SCLT1: variants seen among roughly 807,000 people sequenced by gnomAD.
The protein encoded by SCLT1 is sodium channel-associated protein 1.
SCLT1 carries 78 observed loss-of-function variants against 112.8 expected under a neutral mutation model. The observed-to-expected ratio is 0.69, with a 90% CI of 0.58 to 0.83. The LOEUF is 0.83. Among genes scored for constraint, SCLT1 ranks in the 40% least tolerant of loss-of-function variants. SCLT1 has a pLI of 0.00. For synonymous variants in SCLT1, 257 were observed against 254.7 expected (o/e 1.01, Z -0.09); for missense variants, 747 against 770.4 (o/e 0.97, Z 0.36).
chr4:129,074,689 A>G (rs1751312368), intron 2 of SCLT1, among the ~76,000 whole-genome samples: 1 of 152,168 alleles, frequency 6.6e-6, no homozygotes, highest in Admixed American at 6.6e-5. Context: ...GATATTGTGT[A>G]ATTAATTTCT....
At position 128,999,670 on chromosome 4, in the gene SCLT1, A is replaced by C. The variant is rs1276680310; in HGVS notation, c.549+2T>G. 1 of 1,594,484 alleles carries C rather than the reference A, an allele frequency of 6.3e-7. No individual in the cohort carries two copies. The highest frequency in any genetic ancestry group is 1.8e-5 in the Admixed American group (1 of 57,068). On this transcript the variant is annotated splice_donor_variant, in intron 7 of 20. Coordinates refer to ENST00000281142, the MANE Select transcript of SCLT1 (RefSeq NM_144643.4). LOFTEE classifies it high-confidence loss of function. ...CAAGAAAATGATGAAATCCAAGATT[A>C]CCTTTTGTTTTTGACTTTCAAATAC...
chr4:128,986,702 C>G (rs762032530), intron 9 of SCLT1, among the ~76,000 whole-genome samples: 5 of 152,214 alleles, frequency 3.3e-5, no homozygotes, highest in Non-Finnish European at 7.3e-5. Context: ...TCTAGACTCA[C>G]TCTGTGCTAG....
intron 5 of SCLT1, among the ~76,000 whole-genome samples, chr4:129,008,700 C>G (rs139322506): frequency 7.2e-5 from 11 of 151,976 alleles, no homozygotes; most frequent in African/African-American, 2.7e-4. Context: ...GGTACATGTA[C>G]AGGTTTGTTA....
At chr4:128,942,766 G>A (rs751339208) in intron 17 of SCLT1, among the ~76,000 whole-genome samples, 14 of 152,062 alleles carry the variant, frequency 9.2e-5, no homozygotes, top group Admixed American at 2.0e-4. Context: ...AGTATATTTC[G>A]TGGTTGGAAA....
intron 4 of SCLT1, among the ~76,000 whole-genome samples, chr4:129,040,680 C>T (rs1322012332): frequency 6.6e-6 from 1 of 152,120 alleles, no homozygotes; most frequent in Non-Finnish European, 1.5e-5. Context: ...TCAAATTCTT[C>T]CCTACTATTT....
At chr4:128,939,179 C>G (rs552270547) in intron 17 of SCLT1, among the ~76,000 whole-genome samples, 4 of 152,202 alleles carry the variant, frequency 2.6e-5, no homozygotes, top group Non-Finnish European at 2.9e-5. Context: ...TTGTGCCACA[C>G]TATTCCCTTG....
intron 5 of SCLT1, among the ~76,000 whole-genome samples, chr4:129,031,490 G>T (rs1443223378): frequency 7.9e-5 from 12 of 151,670 alleles, no homozygotes; most frequent in Non-Finnish European, 1.5e-4. Flanking sequence ...AGAAAGAAAG[G>T]ATATTCAAAT....
At chr4:128,948,424 G>A (rs1241700368) in intron 15 of SCLT1, 72 bp downstream of exon 15, 10 of 1,523,126 alleles carry the variant, frequency 6.6e-6, no homozygotes, top group Admixed American at 2.0e-5. Context: ...TAGATGGCAT[G>A]ATGGAGGCAG....
chr4:129,028,421 T>C (rs572597747), intron 5 of SCLT1, among the ~76,000 whole-genome samples: 28 of 152,152 alleles, frequency 1.8e-4, no homozygotes, highest in Non-Finnish European at 3.1e-4. Context: ...AAACAAGCAA[T>C]GGGGAAAGGA....
chr4:129,048,614 A>C (rs1178880291), intron 2 of SCLT1, among the ~76,000 whole-genome samples: 7 of 151,860 alleles, frequency 4.6e-5, no homozygotes, highest in Non-Finnish European at 7.4e-5. Context: ...GCAACAAAAG[A>C]CAAAATTGAC....
chr4:128,964,083 T>C (rs1739967007), intron 11 of SCLT1, among the ~76,000 whole-genome samples: 1 of 152,136 alleles, frequency 6.6e-6, no homozygotes, highest in Non-Finnish European at 1.5e-5. Context: ...GCTCAACTTG[T>C]ACAAAGAAAA....
At chr4:129,063,734 A>G (rs1238200117) in intron 2 of SCLT1, among the ~76,000 whole-genome samples, 3 of 152,302 alleles carry the variant, frequency 2.0e-5, no homozygotes, top group East Asian at 1.9e-4. Flanking sequence ...TTGAGTTTCA[A>G]GCCCTGACTG....
intron 18 of SCLT1, 67 bp downstream of exon 18, chr4:128,936,588 G>A (rs911518587): frequency 1.1e-6 from 1 of 896,784 alleles, no homozygotes; most frequent in Non-Finnish European, 1.7e-6. Flanking sequence ...ATTATGGCAA[G>A]GACATTAAAC....
At chr4:129,079,500 T>C (rs1751749298) in intron 2 of SCLT1, among the ~76,000 whole-genome samples, 1 of 152,194 alleles carries the variant, frequency 6.6e-6, no homozygotes, top group Non-Finnish European at 1.5e-5. Context: ...TAATCTCCTT[T>C]GACTCCATGT....
chr4:129,039,900 GCACACACA>G (rs36041794), intron 4 of SCLT1: 3,589 of 218,504 alleles, frequency 0.016, 85 homozygotes, highest in African/African-American at 0.059. Context: ...GTGCGCGCGC[GCACACACA>G]CACACACACA....
intron 20 of SCLT1, among the ~76,000 whole-genome samples, chr4:128,886,893 C>T (rs993641145): frequency 6.6e-6 from 1 of 152,012 alleles, no homozygotes; most frequent in Non-Finnish European, 1.5e-5. Flanking sequence ...AGTTGATTTT[C>T]GTAGACGTTT....
chr4:128,973,532 A>AAG (rs1220923738), intron 9 of SCLT1, among the ~76,000 whole-genome samples: 1 of 150,910 alleles, frequency 6.6e-6, no homozygotes, highest in African/African-American at 2.4e-5. Flanking sequence ...GAGAGAGAGA[A>AAG]AGAGAGAGAG....
At chr4:129,024,867 G>C (rs1173844029) in intron 5 of SCLT1, among the ~76,000 whole-genome samples, 2 of 152,150 alleles carry the variant, frequency 1.3e-5, no homozygotes, top group African/African-American at 4.8e-5. Flanking sequence ...AGCTGATGGA[G>C]CTGAAAACCA....
At chr4:128,997,448 T>TA (rs1446196370) in intron 8 of SCLT1, among the ~76,000 whole-genome samples, 4 of 151,892 alleles carry the variant, frequency 2.6e-5, no homozygotes, top group Non-Finnish European at 5.9e-5. Flanking sequence ...AGGAGAAACT[T>TA]ATAGGGAAAT....
Sources: gnomAD v4.1 joint callset for allele counts (sites outside exome capture counted in the v4.1 genomes callset) on GRCh38, gnomAD v4.1.1 for gene constraint, MANE v1.5 for transcripts, NCBI Gene and HGNC (gene_info 2026-07-23, HGNC 2026-07-21) for gene names.